CARNMT1: variants seen among roughly 807,000 people sequenced by gnomAD.
CARNMT1 encodes protein-L-histidine N-pros-methyltransferase CARNMT1.
In CARNMT1, 28 loss-of-function variants were observed where a neutral mutation model predicts 49.6. That is an observed-to-expected ratio of 0.56 (90% CI 0.42 to 0.77). CARNMT1 has a LOEUF of 0.77. Among genes scored for constraint, CARNMT1 ranks in the 30% least tolerant of loss-of-function variants. The probability of loss-of-function intolerance (pLI) is 0.00; values close to 1 mark genes in which losing one functional copy is unlikely to be tolerated. For synonymous variants in CARNMT1, 178 were observed against 175.0 expected (o/e 1.02, Z -0.13); for missense variants, 421 against 512.6 (o/e 0.82, Z 1.73).
At chr9:75,000,816 T>C (rs1330049628) in intron 3 of CARNMT1, among the ~76,000 whole-genome samples, 2 of 152,204 alleles carry the variant, frequency 1.3e-5, no homozygotes, top group Admixed American at 6.5e-5. Flanking sequence ...AAGTTTGGCA[T>C]GCTCCAAGCA....
At chr9:74,997,767 T>C (rs1833233476) in intron 5 of CARNMT1, among the ~76,000 whole-genome samples, 1 of 152,122 alleles carries the variant, frequency 6.6e-6, no homozygotes, top group African/African-American at 2.4e-5. Context: ...CTGTAACCCG[T>C]CTTCCCTGCC....
chr9:74,996,603 T>G, intron 5 of CARNMT1, 43 bp from the exon 6 acceptor site: 1 of 1,177,620 alleles, frequency 8.5e-7, no homozygotes, highest in South Asian at 1.4e-5. Context: ...TATGTTATTT[T>G]GCTTTTTTCT....
At chr9:75,012,679 C>T (rs1306902580) in intron 3 of CARNMT1, among the ~76,000 whole-genome samples, 2 of 151,908 alleles carry the variant, frequency 1.3e-5, no homozygotes, top group African/African-American at 4.8e-5. Context: ...CAGTGGGTTA[C>T]AGAGTTTGCA....
intron 1 of CARNMT1, among the ~76,000 whole-genome samples, chr9:75,024,916 C>G (rs1822480162): frequency 6.6e-6 from 1 of 151,966 alleles, no homozygotes; most frequent in South Asian, 2.1e-4. Context: ...AAACAACTGA[C>G]AGATATGTTG....
chr9:75,016,116 G>A, intron 3 of CARNMT1, 152 bp downstream of exon 3: 2 of 562,824 alleles, frequency 3.6e-6, no homozygotes, highest in Non-Finnish European at 6.2e-6. Flanking sequence ...ATCTCACACA[G>A]AGCATCCAAT....
intron 3 of CARNMT1, among the ~76,000 whole-genome samples, chr9:75,015,308 G>A (rs569195347): frequency 1.2e-4 from 19 of 152,176 alleles, no homozygotes; most frequent in Admixed American, 9.8e-4. Context: ...TCTCAAAACA[G>A]TGTATATCCC....
rs941463100 is a variant in CARNMT1 at position 75,009,802 on chromosome 9, A to T, written c.590+6466T>A. ...ACATACAATGCCTGGCATTCAATAA[A>T]AAAAATTAAGAAACATGCAAAGAAG... On this transcript the variant is annotated intron_variant, in intron 3 of 7. Coordinates refer to ENST00000376834, the MANE Select transcript of CARNMT1 (RefSeq NM_152420.3). The T allele has an allele frequency of 4.6e-5, 7 of 152,194 alleles. 1 individual carries two copies. The highest frequency in any genetic ancestry group is 2.9e-5 in the Non-Finnish European group (2 of 68,050). The allele number at this position is 152,194 out of a possible 1,614,324, so 9.4% of individuals were successfully genotyped here.
In CARNMT1 at chr9:74,982,005, C is replaced by T. The variant is rs905191261; in HGVS notation, c.*1762G>A. ...AACATCTGCTAAGTATTGAGGGACA[C>T]AAAAAAGAGAAATCTTAAAAAAAAA... On this transcript the variant is annotated 3_prime_UTR_variant, in exon 8 of 8. Transcript: ENST00000376834. 8.3e-5 allele frequency: 10 copies of T among 120,474 alleles called. No individual in the cohort carries two copies. Among genetic ancestry groups the T allele is most frequent in the African/African-American group, 3.2e-4 (10 of 31,738 alleles). 7.5% of individuals were successfully genotyped at this position (120,474 alleles called of 1,614,324 possible).
At chr9:74,984,514 A>G (rs748847297) in intron 7 of CARNMT1, among the ~76,000 whole-genome samples, 9 of 152,196 alleles carry the variant, frequency 5.9e-5, no homozygotes, top group Non-Finnish European at 1.0e-4. Flanking sequence ...TCAAAATCCA[A>G]AATGTTTTGA....
chr9:75,007,242 T>C (rs925537245), intron 3 of CARNMT1, among the ~76,000 whole-genome samples: 15 of 152,218 alleles, frequency 9.9e-5, no homozygotes, highest in African/African-American at 3.1e-4. Flanking sequence ...GAAACAACAA[T>C]GTTTATTTAA....
chr9:74,987,254 C>G (rs1345281823), intron 6 of CARNMT1, among the ~76,000 whole-genome samples: 2 of 152,156 alleles, frequency 1.3e-5, no homozygotes, highest in Admixed American at 6.6e-5. Context: ...ATACACTCAC[C>G]ATATGTGACC....
In CARNMT1 at chr9:74,981,205, A is replaced by AT. The variant is rs1454540738; in HGVS notation, c.*2561dup. The AT allele has an allele frequency of 6.6e-6, 1 of 152,086 alleles. No individual in the cohort carries two copies. Among genetic ancestry groups the AT allele is most frequent in the Non-Finnish European group, 1.5e-5 (1 of 67,978 alleles). 9.4% of individuals were successfully genotyped at this position (152,086 alleles called of 1,614,324 possible). A position where few individuals can be genotyped will look rare whatever the true frequency, so the allele number is the denominator to read the frequency against. On this transcript the variant is annotated 3_prime_UTR_variant, in exon 8 of 8. Transcript: ENST00000376834. ...CCAAACTTCATAATTTTATACTGTGATTTTTACAGCTTCTCCTTATATTGT... is the reference window on the plus strand; with the variant it reads ...CCAAACTTCATAATTTTATACTGTGATTTTTTACAGCTTCTCCTTATATTGT...
At chr9:75,021,452 A>G (rs1822359578) in intron 1 of CARNMT1, among the ~76,000 whole-genome samples, 1 of 138,748 alleles carries the variant, frequency 7.2e-6, no homozygotes, top group Non-Finnish European at 1.6e-5. Context: ...TATAAATAGT[A>G]TATATAGGAT....
intron 3 of CARNMT1, among the ~76,000 whole-genome samples, chr9:75,006,381 A>G (rs1251413766): frequency 6.6e-6 from 1 of 152,040 alleles, no homozygotes; most frequent in African/African-American, 2.4e-5. Context: ...TCTAGGGTTT[A>G]ATTTATTCTG....
At chr9:74,999,487 T>C (rs1375891155) in intron 4 of CARNMT1, among the ~76,000 whole-genome samples, 1 of 152,184 alleles carries the variant, frequency 6.6e-6, no homozygotes, top group Admixed American at 6.5e-5. Flanking sequence ...AATCATTTCA[T>C]GGAATGCCCA....
At chr9:75,013,544 T>C (rs1311016226) in intron 3 of CARNMT1, among the ~76,000 whole-genome samples, 1 of 150,968 alleles carries the variant, frequency 6.6e-6, no homozygotes, top group African/African-American at 2.4e-5. Flanking sequence ...CTATGATACA[T>C]CCAAATAACA....
chr9:75,024,777 T>C (rs924170061), intron 1 of CARNMT1, among the ~76,000 whole-genome samples: 1 of 152,192 alleles, frequency 6.6e-6, no homozygotes, highest in African/African-American at 2.4e-5. Flanking sequence ...GACGTACAGC[T>C]GACCCTTGAA....
intron 6 of CARNMT1, among the ~76,000 whole-genome samples, chr9:74,994,446 T>C (rs890022514): frequency 6.6e-6 from 1 of 152,192 alleles, no homozygotes; most frequent in African/African-American, 2.4e-5. Context: ...TGGCTTTTTT[T>C]TGAGATGGGG....
chr9:74,994,584 T>A (rs780520457), intron 6 of CARNMT1, among the ~76,000 whole-genome samples: 3 of 151,902 alleles, frequency 2.0e-5, no homozygotes, highest in Non-Finnish European at 4.4e-5. Context: ...AGATTGGGAA[T>A]CCAAAGAGTA....
Sources: allele counts gnomAD v4.1 joint callset (sites outside exome capture counted in the v4.1 genomes callset), GRCh38; gene constraint gnomAD v4.1.1; transcripts MANE v1.5; gene names NCBI Gene and HGNC (gene_info 2026-07-23, HGNC 2026-07-21).